The following PIK3CA variants were observed in gnomAD, a reference collection of about 807,000 sequenced individuals.
The protein encoded by PIK3CA is phosphatidylinositol-4,5-bisphosphate 3-kinase catalytic subunit alpha, also known as phosphatidylinositol 4,5-bisphosphate 3-kinase catalytic subunit alpha isoform.
In PIK3CA, 27 loss-of-function variants were observed where a neutral mutation model predicts 138.2. The ratio of observed to expected loss-of-function variants is 0.20; its 90% confidence interval spans 0.14 to 0.27. The LOEUF is 0.27. Ranked by LOEUF, PIK3CA falls within the 10% of genes least tolerant of loss-of-function variation. The pLI, the probability that PIK3CA is intolerant of heterozygous loss-of-function variation, is 1.00. For missense variants in PIK3CA, 544 were observed against 1,277.4 expected, an observed-to-expected ratio of 0.43 and a Z score of 8.75; for synonymous variants, 358 against 413.2, an observed-to-expected ratio of 0.87 and a Z score of 1.62.
intron 20 of PIK3CA, among the ~76,000 whole-genome samples, chr3:179,233,002 C>T (rs1047180756): frequency 2.6e-5 from 4 of 152,048 alleles, no homozygotes; most frequent in African/African-American, 9.7e-5. Flanking sequence ...GGATTACAGG[C>T]ATGCACCACC....
chr3:179,161,217 A>G (rs1172204936), intron 1 of PIK3CA, among the ~76,000 whole-genome samples: 1 of 152,248 alleles, frequency 6.6e-6, no homozygotes, highest in Admixed American at 6.5e-5. Context: ...CAATGATTCC[A>G]TAAGGAGGTG....
rs751920344 is a variant in PIK3CA at position 179,210,194 on chromosome 3, T to C, written c.1260T>C (p.Cys420=). 2 of 1,581,398 alleles carry C rather than the reference T, an allele frequency of 1.3e-6. No homozygotes were observed. The highest frequency in any genetic ancestry group is 2.3e-5 in the East Asian group (1 of 44,074). ...KGRKGAKEEH[C]PLAWGNINLF... is the part of the protein sequence containing the mutation. The stretch of plus-strand genomic sequence containing the variant: ...TTTCTTTGTTTTTTAAGGAACACTG[T>C]CCATTGGCATGGGGAAATATAAACT... The change falls in exon 8 of 21, where the codon TGT becomes TGC. Residue 420 remains cysteine (C), a synonymous_variant. Coordinates refer to ENST00000263967, the MANE Select transcript of PIK3CA (RefSeq NM_006218.4).
rs1725405202 is a variant in PIK3CA at position 179,239,850 on chromosome 3, C to T, written c.*5486C>T. 3.7e-5 allele frequency: 19 copies of T among 512,230 alleles called. No individual in the cohort carries two copies. Among genetic ancestry groups the T allele is most frequent in the Middle Eastern group, 5.1e-4 (1 of 1,946 alleles). 31.7% of individuals were successfully genotyped at this position (512,230 alleles called of 1,614,324 possible). A position where few individuals can be genotyped will look rare whatever the true frequency, so the allele number is the denominator to read the frequency against. ...TTAGAAGAAAAACGTTTTTAATGTC[C>T]TTTTAATGATGGCCCAGAAAGCATT... On this transcript the variant is annotated 3_prime_UTR_variant, in exon 21 of 21. Transcript: ENST00000263967.
At chr3:179,174,552 A>G (rs1723648136) in intron 1 of PIK3CA, among the ~76,000 whole-genome samples, 1 of 152,126 alleles carries the variant, frequency 6.6e-6, no homozygotes. Context: ...GTCTCATGTC[A>G]TGCTTCAGGA....
chr3:179,166,191 A>G (rs1378072663), intron 1 of PIK3CA, among the ~76,000 whole-genome samples: 1 of 152,246 alleles, frequency 6.6e-6, no homozygotes, highest in East Asian at 1.9e-4. Flanking sequence ...GGAAAATGAT[A>G]TCTTGAGAAA....
In PIK3CA at chr3:179,226,040, G is replaced by A. The variant is rs1365628884; in HGVS notation, c.2495G>A (p.Arg832Gln). The A allele has an allele frequency of 1.9e-6, 3 of 1,561,452 alleles. No homozygotes were observed. Among genetic ancestry groups the A allele is most frequent in the Non-Finnish European group, 1.8e-6 (2 of 1,133,680 alleles). The part of the protein sequence containing the change: ...NIWQNQGLDL[R>Q]MLPYGCLSIG... ...TGGCAAAATCAAGGTCTTGATCTTC[G>A]GTAGGTAACCAGTAAGGCAACCTGT... The change falls in exon 17 of 21, where the codon CGA becomes CAA. Residue 832 changes from arginine to glutamine, a missense_variant and splice_region_variant. Physicochemically the swap from Arg to Gln is conservative, Grantham distance 43. Coordinates refer to ENST00000263967, the MANE Select transcript of PIK3CA (RefSeq NM_006218.4).
At chr3:179,227,266 C>T (rs930877595) in intron 17 of PIK3CA, among the ~76,000 whole-genome samples, 1 of 151,608 alleles carries the variant, frequency 6.6e-6, no homozygotes, top group Non-Finnish European at 1.5e-5. Context: ...TTATACTTGG[C>T]AAAACTATAA....
chr3:179,192,901 T>C (rs1724169843), intron 1 of PIK3CA, among the ~76,000 whole-genome samples: 1 of 152,250 alleles, frequency 6.6e-6, no homozygotes, highest in Non-Finnish European at 1.5e-5. Context: ...TGTCAAGATG[T>C]CATTGTCTTC....
intron 1 of PIK3CA, among the ~76,000 whole-genome samples, chr3:179,186,939 G>C (rs1376430270): frequency 6.6e-6 from 1 of 152,056 alleles, no homozygotes; most frequent in Non-Finnish European, 1.5e-5. Flanking sequence ...TATACAGTTG[G>C]TCCTGAAATG....
At chr3:179,171,935 A>G (rs1341222887) in intron 1 of PIK3CA, among the ~76,000 whole-genome samples, 1 of 152,112 alleles carries the variant, frequency 6.6e-6, no homozygotes, top group Non-Finnish European at 1.5e-5. Context: ...TCCCAAGAAA[A>G]GAAAACTAGC....
chr3:179,155,220 G>A (rs985005770), intron 1 of PIK3CA, among the ~76,000 whole-genome samples: 5 of 152,174 alleles, frequency 3.3e-5, no homozygotes, highest in African/African-American at 1.2e-4. Context: ...TTGAACAGGA[G>A]GAGACAATGT....
At chr3:179,150,038 GA>G (rs768896998) in intron 1 of PIK3CA, among the ~76,000 whole-genome samples, 9 of 148,516 alleles carry the variant, frequency 6.1e-5, no homozygotes, top group Non-Finnish European at 1.0e-4. Flanking sequence ...CCTTTTAACT[GA>G]AGCACTGAGG....
chr3:179,170,737 T>G lies in PIK3CA; in HGVS notation c.-77+22134T>G, dbSNP rs1302792785. ...TTTCAAAATTATGAAGTGACAAATA[T>G]GGCAGGAAAATATAAAAATTCTAAA... On this transcript the variant is annotated intron_variant, in intron 1 of 20. Transcript: ENST00000263967. 2.0e-5 allele frequency among the ~76,000 whole-genome samples: 3 copies of G among 152,096 alleles called. No individual in the cohort carries two copies. The South Asian group carries it at 6.2e-4, about 31-fold the overall frequency.
In PIK3CA at chr3:179,220,366, A is replaced by G. The variant is rs1332427750; in HGVS notation, c.2015+314A>G. Among the ~76,000 whole-genome samples the G allele has an allele frequency of 2.0e-5, 3 of 152,170 alleles. No homozygotes were observed. The highest frequency in any genetic ancestry group is 7.2e-5 in the African/African-American group (3 of 41,464). On this transcript the variant is annotated intron_variant, in intron 13 of 20. Coordinates refer to ENST00000263967, the MANE Select transcript of PIK3CA (RefSeq NM_006218.4). The surrounding 1 kb of genome is among the most constrained non-coding windows in gnomAD (Gnocchi z 4.1). ...GGTTTCACTGTGTGTATGGATTACA[A>G]TATCCCCAAACAAAGAAAAAAATGT...
At chr3:179,170,137 C>A (rs890387063) in intron 1 of PIK3CA, among the ~76,000 whole-genome samples, 2 of 151,988 alleles carry the variant, frequency 1.3e-5, no homozygotes, top group African/African-American at 2.4e-5. Flanking sequence ...TATTCTTTGA[C>A]GTACTAAGTA....
Position 179,229,197 on chromosome 3 carries a change from ATGTTTTAGCC to A in PIK3CA, c.2496-70_2496-61del, listed in dbSNP as rs1161098052. On this transcript the variant is annotated intron_variant, in intron 17 of 20. Transcript: ENST00000263967. The stretch of plus-strand genomic sequence containing the variant: ...TGACAAATTTACTAATAAAATACTC[ATGTTTTAGCC>A]TGTTAAAACATTTGCTATTTTAAAA... 4 of 1,156,344 alleles carry A rather than the reference ATGTTTTAGCC, an allele frequency of 3.5e-6. No homozygotes were observed. The East Asian group carries it at 9.7e-5, about 28-fold the overall frequency. The allele number at this position is 1,156,344 out of a possible 1,614,324, so 71.6% of individuals were successfully genotyped here.
intron 1 of PIK3CA, among the ~76,000 whole-genome samples, chr3:179,173,452 G>T (rs566698893): frequency 6.7e-6 from 1 of 149,434 alleles, no homozygotes; most frequent in Admixed American, 6.6e-5. Context: ...GGTGGCGGGC[G>T]CCTGTAGTCC....
In PIK3CA at chr3:179,148,515, C is replaced by G. The variant is rs1477923322; in HGVS notation, c.-165C>G. 6.6e-6 allele frequency: 1 copy of G among 151,654 alleles called. No individual in the cohort carries two copies. Among genetic ancestry groups the G allele is most frequent in the African/African-American group, 2.4e-5 (1 of 41,314 alleles). The allele number at this position is 151,654 out of a possible 1,614,324, so 9.4% of individuals were successfully genotyped here. On this transcript the variant is annotated 5_prime_UTR_variant, in exon 1 of 21. Coordinates refer to ENST00000263967, the MANE Select transcript of PIK3CA (RefSeq NM_006218.4). ...GCCGGGAGGCGGGGGCCGTGCCGCC[C>G]GCTCTCCTCTCCCTCGGCGCCGCCG...
chr3:179,179,406 T>C (rs1723784784), intron 1 of PIK3CA, among the ~76,000 whole-genome samples: 1 of 152,146 alleles, frequency 6.6e-6, no homozygotes, highest in South Asian at 2.1e-4. Flanking sequence ...AATACAAGAG[T>C]ATACACTGTG....
Sources: allele counts gnomAD v4.1 joint callset (sites outside exome capture counted in the v4.1 genomes callset), GRCh38; gene constraint gnomAD v4.1.1; non-coding constraint Gnocchi (gnomAD v3.1); transcripts MANE v1.5; gene names NCBI Gene and HGNC (gene_info 2026-07-23, HGNC 2026-07-21).